The following INTS13 variants were observed in gnomAD, a reference collection of about 807,000 sequenced individuals.
INTS13 encodes the protein integrator complex subunit 13.
In INTS13, 35 loss-of-function variants were observed where a neutral mutation model predicts 90.2. The ratio of observed to expected loss-of-function variants is 0.39; its 90% confidence interval spans 0.30 to 0.51. The LOEUF (loss-of-function observed/expected upper bound fraction) is 0.51. INTS13 is among the 20% of genes least tolerant of loss of function. The pLI is 0.80. For synonymous variants in INTS13, 309 were observed against 277.1 expected, an observed-to-expected ratio of 1.11 and a Z score of -1.14; for missense variants, 601 against 851.2, an observed-to-expected ratio of 0.71 and a Z score of 3.66.
chr12:26,918,435 A>T (rs1484887171), intron 8 of INTS13, among the ~76,000 whole-genome samples: 1 of 152,222 alleles, frequency 6.6e-6, no homozygotes, highest in Middle Eastern at 3.2e-3. Context: ...ATTATCTATG[A>T]TTAAAATAAA....
intron 3 of INTS13, among the ~76,000 whole-genome samples, chr12:26,933,283 G>A (rs566208954): frequency 6.6e-6 from 1 of 152,238 alleles, no homozygotes; most frequent in African/African-American, 2.4e-5. Flanking sequence ...ACAGAACACA[G>A]AGACAAGAAC....
chr12:26,920,003 C>T (rs1403180971), intron 8 of INTS13, among the ~76,000 whole-genome samples: 1 of 152,042 alleles, frequency 6.6e-6, no homozygotes, highest in South Asian at 2.1e-4. Flanking sequence ...TGGTGGACAC[C>T]TGTAGTCCCA....
intron 15 of INTS13, among the ~76,000 whole-genome samples, chr12:26,907,627 GTCATTTATAAGAGAAGAACAAC>G (rs1202638738): frequency 1.3e-5 from 2 of 152,138 alleles, no homozygotes; most frequent in African/African-American, 4.8e-5. Context: ...TTGTGCAAAA[GTCATTTATAAGAGAAGAACAAC>G]CCACAGACTG....
chr12:26,928,820 G>C lies in INTS13; in HGVS notation c.386C>G (p.Ala129Gly). The change falls in exon 4 of 17, where the codon GCA becomes GGA. Residue 129 changes from alanine (A) to glycine (G), a missense_variant. Coordinates refer to ENST00000261191, the MANE Select transcript of INTS13 (RefSeq NM_018164.3). ...AGTAATTTTGCAGAGAGTTTCCACT[G>C]CTGCAACAAGGCCATGCAGAATACT... ...CCSILHGLVAAVETLCKITEY... is the reference protein window; with the variant it reads ...CCSILHGLVAGVETLCKITEY... The C allele has an allele frequency of 8.7e-6, 14 of 1,614,204 alleles. No homozygotes were observed. Among genetic ancestry groups the C allele is most frequent in the Non-Finnish European group, 1.2e-5 (14 of 1,180,032 alleles).
intron 12 of INTS13, 64 bp downstream of exon 12, chr12:26,914,344 A>G (rs950287471): frequency 7.0e-7 from 1 of 1,436,292 alleles, no homozygotes; most frequent in African/African-American, 1.5e-5. Context: ...CAAATTGTCT[A>G]ATTGATTTCT....
At chr12:26,937,152 G>T (rs947865124) in intron 1 of INTS13, among the ~76,000 whole-genome samples, 1 of 152,302 alleles carries the variant, frequency 6.6e-6, no homozygotes, top group Middle Eastern at 3.4e-3. Flanking sequence ...AAACATAAGT[G>T]ACAAAGACTC....
At chr12:26,933,692 A>T (rs1423078149) in intron 3 of INTS13, among the ~76,000 whole-genome samples, 1 of 152,206 alleles carries the variant, frequency 6.6e-6, no homozygotes, top group African/African-American at 2.4e-5. Context: ...GGGCCTAGAA[A>T]GCAGCCAGTT....
intron 6 of INTS13, among the ~76,000 whole-genome samples, 185 bp downstream of exon 6, chr12:26,925,576 C>A (rs1565831012): frequency 6.6e-6 from 1 of 152,018 alleles, no homozygotes; most frequent in Non-Finnish European, 1.5e-5. Flanking sequence ...ATAGGAAACA[C>A]TTTAAAATCC....
chr12:26,913,530 C>T lies in INTS13; in HGVS notation c.1732G>A (p.Glu578Lys). The T allele has an allele frequency of 6.2e-7, 1 of 1,614,118 alleles. No individual in the cohort carries two copies. Among genetic ancestry groups the T allele is most frequent in the Non-Finnish European group, 8.5e-7 (1 of 1,180,028 alleles). Residue 578 changes from glutamate (E) to lysine (K), a missense_variant, in exon 14 of 17, where the codon GAA becomes AAA. Around this residue, in one of 3 missense-constraint regions of INTS13, gnomAD observed 228 missense variants for 272.5 expected, o/e 0.84. Transcript: ENST00000261191. ...TTCTCTGACTTGTCCTCTTTGTCTT[C>T]CCTCTTTCTTCCTCGTTTCTTTCGT... ...EERKKRGRKR[E>K]DKEDKSEKAV... is the part of the protein sequence containing the mutation.
At chr12:26,931,837 A>G (rs1938209061) in intron 3 of INTS13, among the ~76,000 whole-genome samples, 1 of 152,224 alleles carries the variant, frequency 6.6e-6, no homozygotes, top group South Asian at 2.1e-4. Context: ...CTGTAATCCC[A>G]GCACTTTGGG....
chr12:26,922,015 T>C (rs1952132498), intron 8 of INTS13, among the ~76,000 whole-genome samples: 2 of 152,354 alleles, frequency 1.3e-5, no homozygotes, highest in East Asian at 3.9e-4. Context: ...AGTTTTACAC[T>C]GCATGCTGTT....
intron 15 of INTS13, among the ~76,000 whole-genome samples, chr12:26,908,837 A>G (rs7315570): frequency 0.81 from 123,405 of 152,156 alleles, 50,231 homozygotes; most frequent in East Asian, 1. Context: ...AGGCAGTAAT[A>G]TGCAATCAAG....
intron 3 of INTS13, among the ~76,000 whole-genome samples, chr12:26,932,376 C>T (rs1433434994): frequency 6.6e-6 from 1 of 152,158 alleles, no homozygotes; most frequent in African/African-American, 2.4e-5. Flanking sequence ...AGGCAAGATA[C>T]TAAAAACGTC....
intron 8 of INTS13, among the ~76,000 whole-genome samples, chr12:26,921,612 T>C (rs1381732976): frequency 6.6e-6 from 1 of 152,204 alleles, no homozygotes; most frequent in African/African-American, 2.4e-5. Context: ...CTTTGCTGTG[T>C]CGCTTTCCGT....
Position 26,933,241 on chromosome 12 carries a change from T to C in INTS13, c.300+1315A>G, listed in dbSNP as rs1469458470. Among the ~76,000 whole-genome samples the C allele has an allele frequency of 2.0e-5, 3 of 152,120 alleles. No individual in the cohort carries two copies. In the East Asian group the frequency reaches 5.8e-4, roughly 29 times the overall value. The stretch of plus-strand genomic sequence containing the variant: ...AGTAAGGAATTTAATGCAGGAGGTC[T>C]AACATCCCAGGAATGGATATTCCTG... On this transcript the variant is annotated intron_variant, in intron 3 of 16. Transcript: ENST00000261191.
chr12:26,913,952 T>G, intron 13 of INTS13, 22 bp downstream of exon 13: 2 of 1,588,388 alleles, frequency 1.3e-6, no homozygotes, highest in East Asian at 4.5e-5. Context: ...ATCTATAAAG[T>G]AAGAAAGAAA....
chr12:26,921,403 T>C (rs965118865), intron 8 of INTS13, among the ~76,000 whole-genome samples: 3 of 152,248 alleles, frequency 2.0e-5, no homozygotes, highest in Non-Finnish European at 4.4e-5. Context: ...CAAATGAAAC[T>C]GTAATGAGTT....
intron 7 of INTS13, 69 bp from the exon 8 acceptor site, chr12:26,922,769 T>C (rs1937656567): frequency 3.0e-6 from 3 of 1,001,036 alleles, no homozygotes; most frequent in East Asian, 2.7e-5. Flanking sequence ...TTATTAATTA[T>C]TCATTTGCTT....
rs1292173008 is a variant in INTS13, at chr12:26,916,133, T to C, written c.1117A>G (p.Ile373Val). 7 of 1,613,626 alleles carry C rather than the reference T, an allele frequency of 4.3e-6. No homozygotes were observed. The Admixed American group carries it at 5.0e-5, about 12-fold the overall frequency. Residue 373 changes from isoleucine (I) to valine (V), a missense_variant, in exon 11 of 17, where the codon ATT becomes GTT. This residue lies in a region of INTS13 where 89 missense variants were observed against 191.0 expected (regional missense o/e 0.47). Coordinates refer to ENST00000261191, the MANE Select transcript of INTS13 (RefSeq NM_018164.3). ...CCATGGCTACTAAGCATATGACTAATGACTTTAGAACCTGACTTTCGTGGT... is the reference window on the plus strand; with the variant it reads ...CCATGGCTACTAAGCATATGACTAACGACTTTAGAACCTGACTTTCGTGGT... ...EQPRKSGSKV[I>V]SHMLSSHGGE...
Sources: allele counts gnomAD v4.1 joint callset (sites outside exome capture counted in the v4.1 genomes callset), GRCh38; gene constraint gnomAD v4.1.1; regional missense constraint gnomAD v4.1.1; transcripts MANE v1.5; gene names NCBI Gene and HGNC (gene_info 2026-07-23, HGNC 2026-07-21).